TMEM131: variants seen among roughly 807,000 people sequenced by gnomAD.
TMEM131 encodes transmembrane protein 131, also known as 2610524E03Rik.
TMEM131 carries 66 observed loss-of-function variants against 211.6 expected under a neutral mutation model. The observed-to-expected ratio is 0.31, with a 90% confidence interval of 0.26 to 0.38. The LOEUF (loss-of-function observed/expected upper bound fraction) is 0.38, where lower values mean the gene tolerates loss of function less well. Ranked by LOEUF, TMEM131 falls within the 10% of genes least tolerant of loss-of-function variation. The pLI is 1.00. For missense variants in TMEM131, 2,036 were observed against 2,299.3 expected, an observed-to-expected ratio of 0.89 and a Z score of 2.34; for synonymous variants, 844 against 841.3, an observed-to-expected ratio of 1.00 and a Z score of -0.06.
At chr2:97,877,764 C>T (rs1414418403) in intron 4 of TMEM131, among the ~76,000 whole-genome samples, 1 of 152,092 alleles carries the variant, frequency 6.6e-6, no homozygotes, top group Non-Finnish European at 1.5e-5. Flanking sequence ...TAGAAGAAAA[C>T]CTGGGGAATA....
intron 5 of TMEM131, among the ~76,000 whole-genome samples, chr2:97,845,852 G>C (rs1171688832): frequency 6.6e-6 from 1 of 151,096 alleles, no homozygotes; most frequent in Non-Finnish European, 1.5e-5. Flanking sequence ...TGATAAAAAG[G>C]GAGAAGTCAA....
chr2:97,933,311 A>T (rs918323230), intron 1 of TMEM131, among the ~76,000 whole-genome samples: 6 of 152,256 alleles, frequency 3.9e-5, no homozygotes, highest in African/African-American at 1.4e-4. Flanking sequence ...TGAAATTCTG[A>T]TATATGCTAC....
At position 97,792,530 on chromosome 2, in the gene TMEM131, G is replaced by A. The variant is rs183353758; in HGVS notation, c.4000C>T (p.Arg1334Cys). 13 of 1,613,504 alleles carry A rather than the reference G, an allele frequency of 8.1e-6. No homozygotes were observed. Among genetic ancestry groups the A allele is most frequent in the Admixed American group, 3.3e-5 (2 of 59,928 alleles). ...APLAHPSHPE[R>C]ASSARHSSED... ...GAACTGTGCCTCGCGCTGCTGGCAC[G>A]TTCTGGGTGGGAAGGGTGTGCGAGG... Residue 1334 changes from arginine to cysteine, a missense_variant, in exon 31 of 41, where the codon CGT (arginine) becomes TGT (cysteine). Arg to Cys is a radical substitution (Grantham distance 180). Coordinates refer to ENST00000186436, the MANE Select transcript of TMEM131 (RefSeq NM_015348.2).
At chr2:97,954,706 T>G (rs944458150) in intron 1 of TMEM131, among the ~76,000 whole-genome samples, 1 of 147,586 alleles carries the variant, frequency 6.8e-6, no homozygotes, top group Admixed American at 7.0e-5. Flanking sequence ...CTCAGGAGGC[T>G]GAGGTAGGAG....
intron 2 of TMEM131, among the ~76,000 whole-genome samples, chr2:97,920,095 T>C (rs1676679118): frequency 6.6e-6 from 1 of 152,220 alleles, no homozygotes; most frequent in Non-Finnish European, 1.5e-5. Context: ...CAGTGCAGGA[T>C]GCTTCCAATG....
chr2:97,864,850 C>T (rs2105198495), intron 4 of TMEM131, among the ~76,000 whole-genome samples: 1 of 152,292 alleles, frequency 6.6e-6, no homozygotes, highest in Admixed American at 6.5e-5. Context: ...CCCTGTCTGC[C>T]TTGAGATAGA....
At chr2:97,908,843 C>A in intron 2 of TMEM131, 145 bp from the exon 3 acceptor site, 1 of 593,770 alleles carries the variant, frequency 1.7e-6, no homozygotes. Flanking sequence ...GTCTCCAAAT[C>A]ACATACAATG....
At chr2:97,984,345 A>T (rs1442800717) in intron 1 of TMEM131, among the ~76,000 whole-genome samples, 1 of 149,978 alleles carries the variant, frequency 6.7e-6, no homozygotes, top group Non-Finnish European at 1.5e-5. Flanking sequence ...TTTTCTTGGT[A>T]TTTTTTTTTT....
intron 3 of TMEM131, among the ~76,000 whole-genome samples, chr2:97,892,254 C>T (rs1383799158): frequency 6.6e-6 from 1 of 152,104 alleles, no homozygotes; most frequent in Admixed American, 6.5e-5. Context: ...TTCTCTGTTA[C>T]GTGCTGCAAA....
chr2:97,785,788 G>C (rs1680219806), intron 31 of TMEM131, among the ~76,000 whole-genome samples: 1 of 152,096 alleles, frequency 6.6e-6, no homozygotes, highest in Non-Finnish European at 1.5e-5. Flanking sequence ...ATGAGCAAAT[G>C]ACTAAAAAAC....
chr2:97,804,393 A>C (rs750275639), intron 22 of TMEM131, among the ~76,000 whole-genome samples: 10 of 152,076 alleles, frequency 6.6e-5, no homozygotes, highest in Non-Finnish European at 1.3e-4. Context: ...GGCTGGGCAC[A>C]GTGGGTCACG....
At chr2:97,966,321 C>A (rs62156522) in intron 1 of TMEM131, among the ~76,000 whole-genome samples, 10,887 of 152,054 alleles carry the variant, frequency 0.072, 464 homozygotes, top group Middle Eastern at 0.12. Context: ...GGGACAATTT[C>A]TCCCTAAATT....
intron 31 of TMEM131, among the ~76,000 whole-genome samples, chr2:97,789,227 C>A (rs1409450511): frequency 6.6e-6 from 1 of 152,232 alleles, no homozygotes; most frequent in Non-Finnish European, 1.5e-5. Context: ...GCTAACCACA[C>A]CTTCCACTGC....
chr2:97,773,840 G>A (rs1254427789), intron 32 of TMEM131, among the ~76,000 whole-genome samples: 6 of 152,114 alleles, frequency 3.9e-5, no homozygotes, highest in Admixed American at 2.0e-4. Context: ...TGCTGAACTC[G>A]CCTGGGGAGC....
At chr2:97,779,436 C>T (rs769960510) in intron 31 of TMEM131, among the ~76,000 whole-genome samples, 4 of 152,232 alleles carry the variant, frequency 2.6e-5, no homozygotes, top group African/African-American at 7.2e-5. Context: ...AAGCAGTAAG[C>T]TGACTCTCAG....
intron 5 of TMEM131, among the ~76,000 whole-genome samples, chr2:97,858,053 A>C (rs1673919440): frequency 6.6e-6 from 1 of 152,242 alleles, no homozygotes; most frequent in Non-Finnish European, 1.5e-5. Flanking sequence ...ATACCTTTAA[A>C]TGAAAAAGTT....
intron 1 of TMEM131, among the ~76,000 whole-genome samples, chr2:97,976,355 A>G (rs1044603193): frequency 6.6e-6 from 1 of 152,226 alleles, no homozygotes. Flanking sequence ...CAAGATCAAC[A>G]TAAAATTTAC....
At chr2:97,766,002 A>G in intron 35 of TMEM131, 112 bp downstream of exon 35, 2 of 1,381,486 alleles carry the variant, frequency 1.4e-6, no homozygotes, top group Non-Finnish European at 2.0e-6. Context: ...TTAGCTGGCA[A>G]AGCACTGTCA....
At position 97,888,128 on chromosome 2, in the gene TMEM131, TA is replaced by T. The variant is rs1432628701; in HGVS notation, c.291-9del. ...CCCCGGTAGAGAGATATACTGTAAA[TA>T]AAAAGAAAACAACATAAGAAGCAAT... On this transcript the variant is annotated splice_polypyrimidine_tract_variant and intron_variant, in intron 3 of 40. Coordinates refer to ENST00000186436, the MANE Select transcript of TMEM131 (RefSeq NM_015348.2). 153 of 1,608,466 alleles carry T rather than the reference TA, an allele frequency of 9.5e-5. No individual in the cohort carries two copies. The highest frequency in any genetic ancestry group is 1.2e-4 in the Non-Finnish European group (142 of 1,176,312).
Sources: allele counts gnomAD v4.1 joint callset (sites outside exome capture counted in the v4.1 genomes callset), GRCh38; gene constraint gnomAD v4.1.1; transcripts MANE v1.5; gene names NCBI Gene and HGNC (gene_info 2026-07-23, HGNC 2026-07-21).